The following FUT5 variants were observed in gnomAD, a reference collection of about 807,000 sequenced individuals.
FUT5 encodes the protein fucosyltransferase 5.
In FUT5, 1 loss-of-function variant was observed where a neutral mutation model predicts 0.8. The ratio of observed to expected loss-of-function variants is 1.26; its 90% CI spans 0.45 to 5.99. The LOEUF is 5.99. FUT5 is among the 30% of genes most tolerant of loss of function. The probability of loss-of-function intolerance (pLI) is 0.15; values close to 1 mark genes in which losing one functional copy is unlikely to be tolerated. For missense variants in FUT5, 437 were observed against 517.8 expected, an observed-to-expected ratio of 0.84 and a Z score of 1.51; for synonymous variants, 212 against 225.7, an observed-to-expected ratio of 0.94 and a Z score of 0.54.
rs528295486 is a variant in FUT5 at position 5,867,644 on chromosome 19, C to T, written c.82G>A (p.Val28Met). The T allele has an allele frequency of 1.6e-5, 26 of 1,613,466 alleles. 1 individual carries two copies. The highest frequency in any genetic ancestry group is 1.6e-4 in the Middle Eastern group (1 of 6,062). ...AGLLFQLLVA[V>M]CFFSYLRVSR... ...ACACGCAGGTAGGAGAAGAAACACA[C>T]AGCCACCAGCAGCTGAAACAGCAGC... is the stretch of plus-strand genomic sequence containing the variant. Residue 28 changes from valine (V) to methionine (M), a missense_variant, in exon 2 of 2, where the codon GTG (valine) becomes ATG (methionine). Val to Met is a conservative substitution (Grantham distance 21). Transcript: ENST00000588525. This position sits in a 1 kb window ranked among gnomAD's most constrained non-coding sequence, Gnocchi z 5.0.
intron 1 of FUT5, among the ~76,000 whole-genome samples, chr19:5,869,736 T>C (rs896551439): frequency 2.6e-5 from 4 of 152,168 alleles, no homozygotes; most frequent in African/African-American, 9.7e-5. Flanking sequence ...TCTACATTAA[T>C]TACATATTGA....
chr19:5,869,645 G>C (rs2144922466), intron 1 of FUT5, among the ~76,000 whole-genome samples: 1 of 152,196 alleles, frequency 6.6e-6, no homozygotes, highest in East Asian at 1.9e-4. Context: ...TAAAAAGAGA[G>C]GTGCTTATGG....
rs1225141493 is a variant in FUT5 at position 5,866,951 on chromosome 19, C to T, written c.775G>A (p.Ala259Thr). The T allele has an allele frequency of 1.2e-6, 2 of 1,613,548 alleles. No individual in the cohort carries two copies. The highest frequency in any genetic ancestry group is 1.7e-5 in the Admixed American group (1 of 60,000). The change falls in exon 2 of 2, where the codon GCC becomes ACC. Residue 259 changes from alanine to threonine, a missense_variant. Ala to Thr is a moderately conservative substitution (Grantham distance 58). Transcript: ENST00000588525. The surrounding 1 kb of genome is among the most constrained non-coding windows in gnomAD (Gnocchi z 4.9). ...TCGGGGTGCAAGGAGTTCTCGAAGG[C>T]CAGATAGAACTTGTACCGGGACAGC... ...ETLSRYKFYL[A>T]FENSLHPDYI...
rs1478547491 is a variant in FUT5 at position 5,867,836 on chromosome 19, T to G, written c.-12-99A>C. 12 of 1,271,154 alleles carry G rather than the reference T, an allele frequency of 9.4e-6. No homozygotes were observed. Among genetic ancestry groups the G allele is most frequent in the Non-Finnish European group, 1.4e-5 (12 of 883,602 alleles). The allele number at this position is 1,271,154 out of a possible 1,614,324, so 78.7% of individuals were successfully genotyped here. A position where few individuals can be genotyped will look rare whatever the true frequency, so the allele number is the denominator to read the frequency against. ...AGCTGTTATAATTTATGACACAGCTTGTCATAAATGCCCCCAGTACCCCTG... is the reference window on the plus strand; with the variant it reads ...AGCTGTTATAATTTATGACACAGCTGGTCATAAATGCCCCCAGTACCCCTG... On this transcript the variant is annotated intron_variant, in intron 1 of 1. Transcript: ENST00000588525. This position sits in a 1 kb window ranked among gnomAD's most constrained non-coding sequence, Gnocchi z 5.0.
At position 5,867,824 on chromosome 19, in the gene FUT5, T is replaced by C; in HGVS notation, c.-12-87A>G. On this transcript the variant is annotated intron_variant, in intron 1 of 1. Transcript: ENST00000588525. This position sits in a 1 kb window ranked among gnomAD's most constrained non-coding sequence, Gnocchi z 5.0. ...TGTCCTGAGAGAAGCTGTTATAATT[T>C]ATGACACAGCTTGTCATAAATGCCC... The C allele has an allele frequency of 7.1e-7, 1 of 1,400,884 alleles. No homozygotes were observed. Among genetic ancestry groups the C allele is most frequent in the Non-Finnish European group, 1.0e-6 (1 of 994,422 alleles). 86.8% of individuals were successfully genotyped at this position (1,400,884 alleles called of 1,614,324 possible).
chr19:5,868,529 A>G (rs906207745), intron 1 of FUT5, among the ~76,000 whole-genome samples: 2 of 152,198 alleles, frequency 1.3e-5, no homozygotes, highest in Non-Finnish European at 2.9e-5. Flanking sequence ...AAAACTGAAC[A>G]GCATATTTAA....
In FUT5 at chr19:5,867,543, C is replaced by G. The variant is rs769062656; in HGVS notation, c.183G>C (p.Gly61=). ...TCGCCATGCTGTCCTGGCAGCGGGA[C>G]CCATTGGGAGCCCCGGTGACAGGTT... The part of the protein sequence containing the change: ...AVEPVTGAPN[G]SRCQDSMATP... Residue 61 remains glycine, a synonymous_variant, in exon 2 of 2, where the codon GGG becomes GGC. Transcript: ENST00000588525. The surrounding 1 kb of genome is among the most constrained non-coding windows in gnomAD (Gnocchi z 5.0). The G allele has an allele frequency of 6.2e-7, 1 of 1,613,390 alleles. No individual in the cohort carries two copies. The highest frequency in any genetic ancestry group is 1.3e-5 in the African/African-American group (1 of 74,926).
At position 5,866,966 on chromosome 19, in the gene FUT5, A is replaced by G. The variant is rs1325767392; in HGVS notation, c.760T>C (p.Tyr254His). ...KGTMMETLSR[Y>H]KFYLAFENSL... The stretch of plus-strand genomic sequence containing the variant: ...TTCTCGAAGGCCAGATAGAACTTGT[A>G]CCGGGACAGCGTCTCCATCATGGTC... Residue 254 changes from tyrosine to histidine, a missense_variant, in exon 2 of 2, where the codon TAC becomes CAC. Transcript: ENST00000588525. This position sits in a 1 kb window ranked among gnomAD's most constrained non-coding sequence, Gnocchi z 4.9. The G allele has an allele frequency of 3.7e-6, 6 of 1,613,224 alleles. No individual in the cohort carries two copies. In the East Asian group the frequency reaches 6.7e-5, roughly 18 times the overall value.
rs145907945 is a variant in FUT5 at position 5,867,425 on chromosome 19, C to T, written c.301G>A (p.Ala101Thr). The change falls in exon 2 of 2, where the codon GCG (alanine) becomes ACG (threonine). Residue 101 changes from alanine to threonine, a missense_variant. By Grantham distance (58) the Ala-to-Thr change is moderately conservative (BLOSUM62 0). This residue lies in a region of FUT5 where 261 missense variants were observed against 242.6 expected (regional missense o/e 1.08). Coordinates refer to ENST00000588525, the MANE Select transcript of FUT5 (RefSeq NM_002034.2). This position sits in a 1 kb window ranked among gnomAD's most constrained non-coding sequence, Gnocchi z 5.0. ...LPRCSEMVPG[A>T]ADCNITADSS... ...TCGGCAGTGATGTTGCAGTCGGCCG[C>T]GCCGGGCACCATCTCTGAGCAGCGG... 3.6e-4 allele frequency: 586 copies of T among 1,613,474 alleles called. 4 individuals carry two copies. The highest frequency in any genetic ancestry group is 3.3e-3 in the South Asian group (304 of 91,066).
At chr19:5,868,266 GCC>G (rs1284254022) in intron 1 of FUT5, among the ~76,000 whole-genome samples, 1 of 151,960 alleles carries the variant, frequency 6.6e-6, no homozygotes, top group Non-Finnish European at 1.5e-5. Flanking sequence ...GGGATCTGGG[GCC>G]CCAGGGAGGA....
At chr19:5,868,662 C>CT (rs1345742950) in intron 1 of FUT5, among the ~76,000 whole-genome samples, 3 of 152,296 alleles carry the variant, frequency 2.0e-5, no homozygotes, top group South Asian at 2.1e-4. Context: ...TGGCAAGACT[C>CT]TGTCTCTACT....
rs2057503130 is a variant in FUT5, at chr19:5,866,473, G to A, written c.*128C>T. 2 of 1,459,136 alleles carry A rather than the reference G, an allele frequency of 1.4e-6. No homozygotes were observed. The highest frequency in any genetic ancestry group is 9.5e-7 in the Non-Finnish European group (1 of 1,050,604). 90.4% of individuals were successfully genotyped at this position (1,459,136 alleles called of 1,614,324 possible). On this transcript the variant is annotated 3_prime_UTR_variant, in exon 2 of 2. Transcript: ENST00000588525. This position sits in a 1 kb window ranked among gnomAD's most constrained non-coding sequence, Gnocchi z 4.9. ...AGCAGGTGAGGCCCCAGGCAGGTGA[G>A]ACCCCAGGCAGCCGAGGCCCCAGGC...
chr19:5,865,958 GC>G lies in FUT5; in HGVS notation c.*642del. The G allele has an allele frequency of 6.1e-6, 1 of 163,278 alleles. No individual in the cohort carries two copies. Among genetic ancestry groups the G allele is most frequent in the South Asian group, 1.7e-4 (1 of 5,966 alleles). 10.1% of individuals were successfully genotyped at this position (163,278 alleles called of 1,614,324 possible). ...AGGGCACCCGTTCTCAGGGCCCAGT[GC>G]CCTCCAGGGTGAGGCATCGCAACAC... On this transcript the variant is annotated 3_prime_UTR_variant, in exon 2 of 2. Transcript: ENST00000588525.
intron 1 of FUT5, among the ~76,000 whole-genome samples, chr19:5,868,198 G>A (rs540837359): frequency 1.3e-5 from 2 of 152,242 alleles, no homozygotes; most frequent in Non-Finnish European, 2.9e-5. Flanking sequence ...GGATAGGAGG[G>A]AGAATGGGCA....
At chr19:5,868,935 C>T (rs1599680886) in intron 1 of FUT5, among the ~76,000 whole-genome samples, 2 of 152,340 alleles carry the variant, frequency 1.3e-5, no homozygotes, top group Middle Eastern at 6.8e-3. Context: ...ATCCTCCCAC[C>T]TCAGCCTCCA....
At position 5,866,399 on chromosome 19, in the gene FUT5, C is replaced by T. The variant is rs547495717; in HGVS notation, c.*202G>A. 1.1e-4 allele frequency: 93 copies of T among 838,086 alleles called. No homozygotes were observed. In the African/African-American group the frequency reaches 1.4e-3, roughly 12 times the overall value. The allele number at this position is 838,086 out of a possible 1,614,324, so 51.9% of individuals were successfully genotyped here. A position where few individuals can be genotyped will look rare whatever the true frequency, so the allele number is the denominator to read the frequency against. ...AGGGGAGGCTCCTGGCAGTGAAGCC[C>T]GGCAAGTGAAATCCCAGGTAAGTCA... On this transcript the variant is annotated 3_prime_UTR_variant, in exon 2 of 2. Coordinates refer to ENST00000588525, the MANE Select transcript of FUT5 (RefSeq NM_002034.2). This position sits in a 1 kb window ranked among gnomAD's most constrained non-coding sequence, Gnocchi z 4.9.
intron 1 of FUT5, among the ~76,000 whole-genome samples, chr19:5,869,021 G>A (rs969851816): frequency 1.1e-4 from 16 of 149,402 alleles, no homozygotes; most frequent in African/African-American, 3.7e-4. Flanking sequence ...TCCCTCTGTC[G>A]CCCAGGCTAG....
Position 5,866,997 on chromosome 19 carries a change from G to C in FUT5, c.729C>G (p.Pro243=). 1.2e-6 allele frequency: 2 copies of C among 1,613,702 alleles called. No individual in the cohort carries two copies. The highest frequency in any genetic ancestry group is 1.7e-6 in the Non-Finnish European group (2 of 1,179,836). The change falls in exon 2 of 2, where the codon CCC becomes CCG. Residue 243 remains proline, a synonymous_variant. Coordinates refer to ENST00000588525, the MANE Select transcript of FUT5 (RefSeq NM_002034.2). The surrounding 1 kb of genome is among the most constrained non-coding windows in gnomAD (Gnocchi z 4.9). The stretch of plus-strand genomic sequence containing the variant: ...ACAGCGTCTCCATCATGGTCCCCTT[G>C]GGCAGGGGCTTGTGGGAGCGTCCGT... The part of the protein sequence containing the change: ...DVYGRSHKPL[P]KGTMMETLSR...
At position 5,867,579 on chromosome 19, in the gene FUT5, A is replaced by G; in HGVS notation, c.147T>C (p.Leu49=). The G allele has an allele frequency of 6.2e-7, 1 of 1,613,618 alleles. No individual in the cohort carries two copies. The highest frequency in any genetic ancestry group is 8.5e-7 in the Non-Finnish European group (1 of 1,180,010). ...CCCCGGTGACAGGTTCCACTGCCAT[A>G]AGCCCTGGCCTAGGGGATCCAGTGG... ...DDATGSPRPG[L]MAVEPVTGAP... is the part of the protein sequence containing the mutation. The change falls in exon 2 of 2, where the codon CTT becomes CTC. Residue 49 remains leucine (L), a synonymous_variant. Transcript: ENST00000588525. This position sits in a 1 kb window ranked among gnomAD's most constrained non-coding sequence, Gnocchi z 5.0.
Sources: allele counts gnomAD v4.1 joint callset (sites outside exome capture counted in the v4.1 genomes callset), GRCh38; gene constraint gnomAD v4.1.1; regional missense constraint gnomAD v4.1.1; non-coding constraint Gnocchi (gnomAD v3.1); transcripts MANE v1.5; gene names NCBI Gene and HGNC (gene_info 2026-07-23, HGNC 2026-07-21).